The following HCN1 variants were observed in gnomAD, a reference collection of about 807,000 sequenced individuals.
HCN1 encodes hyperpolarization activated cyclic nucleotide gated potassium channel 1.
Under a neutral mutation model 78.9 loss-of-function variants are expected in HCN1, and 13 were observed. The ratio of observed to expected loss-of-function variants is 0.16; its 90% CI spans 0.11 to 0.26. HCN1 has a LOEUF of 0.26. Among genes scored for constraint, HCN1 ranks in the 10% least tolerant of loss-of-function variants. HCN1 has a pLI of 1.00. For missense variants in HCN1, 810 were observed against 1,154.3 expected (o/e 0.70, Z 4.32); for synonymous variants, 552 against 455.5 (o/e 1.21, Z -2.70).
intron 2 of HCN1, among the ~76,000 whole-genome samples, chr5:45,564,036 T>C (rs1217028018): frequency 1.3e-5 from 2 of 152,170 alleles, no homozygotes; most frequent in Non-Finnish European, 2.9e-5. Flanking sequence ...AGCCTAATTA[T>C]TACCATCTAC....
At chr5:45,374,271 A>T (rs1171910964) in intron 4 of HCN1, among the ~76,000 whole-genome samples, 1 of 99,610 alleles carries the variant, frequency 1.0e-5, no homozygotes, top group Non-Finnish European at 1.8e-5. Flanking sequence ...TAACATATAT[A>T]TTATATACAT....
At chr5:45,492,422 TAA>T (rs1158076937) in intron 2 of HCN1, among the ~76,000 whole-genome samples, 1 of 135,790 alleles carries the variant, frequency 7.4e-6, no homozygotes, top group African/African-American at 2.6e-5. Flanking sequence ...TATATATATA[TAA>T]AATTTGAAGT....
rs1740012614 is a variant in HCN1 at position 45,696,287 on chromosome 5, C to G, written c.-194G>C. 1 of 162,616 alleles carries G rather than the reference C, an allele frequency of 6.1e-6. No homozygotes were observed. Among genetic ancestry groups the G allele is most frequent in the Non-Finnish European group, 1.3e-5 (1 of 76,038 alleles). The allele number at this position is 162,616 out of a possible 1,614,324, so 10.1% of individuals were successfully genotyped here. Reference sequence around the variant, plus strand: ...TGCTAGCTGCGCGCCTGGCTCCCGCCGCCGCCGCTGCCCTTAGTGGCTGCG... The same window carrying G: ...TGCTAGCTGCGCGCCTGGCTCCCGCGGCCGCCGCTGCCCTTAGTGGCTGCG... On this transcript the variant is annotated 5_prime_UTR_variant, in exon 1 of 8. Transcript: ENST00000303230.
chr5:45,631,145 T>C (rs887573642), intron 2 of HCN1, among the ~76,000 whole-genome samples: 1 of 152,158 alleles, frequency 6.6e-6, no homozygotes, highest in Admixed American at 6.6e-5. Flanking sequence ...ACAGGCCTAC[T>C]TGGTGATCCG....
intron 5 of HCN1, among the ~76,000 whole-genome samples, chr5:45,312,525 C>T (rs779152342): frequency 7.9e-5 from 12 of 152,160 alleles, no homozygotes; most frequent in Non-Finnish European, 1.2e-4. Context: ...GGGTGCAGGA[C>T]AGTGGGTGCA....
chr5:45,453,449 T>C (rs1020940419), intron 3 of HCN1, among the ~76,000 whole-genome samples: 12 of 152,132 alleles, frequency 7.9e-5, no homozygotes, highest in African/African-American at 2.4e-4. Flanking sequence ...GGAAAGACCC[T>C]AAAACCCAAC....
intron 5 of HCN1, among the ~76,000 whole-genome samples, chr5:45,349,256 C>T (rs918722885): frequency 7.2e-5 from 11 of 152,160 alleles, no homozygotes; most frequent in Non-Finnish European, 7.3e-5. Flanking sequence ...AACTGAACAA[C>T]CTGCTCCTGA....
intron 1 of HCN1, among the ~76,000 whole-genome samples, chr5:45,683,531 T>G (rs1739746107): frequency 6.6e-6 from 1 of 152,158 alleles, no homozygotes; most frequent in South Asian, 2.1e-4. Flanking sequence ...CCAGAACAAG[T>G]CTCTCTTCAA....
At chr5:45,294,539 T>C (rs1419449348) in intron 6 of HCN1, among the ~76,000 whole-genome samples, 1 of 151,922 alleles carries the variant, frequency 6.6e-6, no homozygotes, top group African/African-American at 2.4e-5. Flanking sequence ...GATAAATGAT[T>C]GTTAAGAGGT....
intron 3 of HCN1, among the ~76,000 whole-genome samples, chr5:45,423,449 T>TG (rs1740268885): frequency 6.6e-6 from 1 of 152,178 alleles, no homozygotes; most frequent in Admixed American, 6.5e-5. Context: ...GCCTCCACTG[T>TG]AGTCAATCTC....
At chr5:45,329,697 C>T (rs921836708) in intron 5 of HCN1, among the ~76,000 whole-genome samples, 1 of 151,280 alleles carries the variant, frequency 6.6e-6, no homozygotes, top group Non-Finnish European at 1.5e-5. Flanking sequence ...TAAATTAACA[C>T]TATTTATGTC....
intron 4 of HCN1, among the ~76,000 whole-genome samples, chr5:45,373,244 A>T (rs1026381851): frequency 1.7e-5 from 2 of 120,202 alleles, no homozygotes; most frequent in African/African-American, 3.3e-5. Context: ...CATTATATAT[A>T]ATATATATTT....
chr5:45,656,784 T>C (rs1745770431), intron 1 of HCN1, among the ~76,000 whole-genome samples: 1 of 152,170 alleles, frequency 6.6e-6, no homozygotes, highest in African/African-American at 2.4e-5. Flanking sequence ...TTTCATAATA[T>C]CTTTTTCCTT....
Position 45,261,682 on chromosome 5 carries a change from G to T in HCN1, c.*239C>A. On this transcript the variant is annotated 3_prime_UTR_variant, in exon 8 of 8. Coordinates refer to ENST00000303230, the MANE Select transcript of HCN1 (RefSeq NM_021072.4). ...ATTTTAAATCCTTTAATGATTTAAA[G>T]AAAGGAAGACATATAACACTGAATG... 2.9e-6 allele frequency: 1 copy of T among 343,860 alleles called. No individual in the cohort carries two copies. Among genetic ancestry groups the T allele is most frequent in the Non-Finnish European group, 5.3e-6 (1 of 189,770 alleles). 21.3% of individuals were successfully genotyped at this position (343,860 alleles called of 1,614,324 possible). A position where few individuals can be genotyped will look rare whatever the true frequency, so the allele number is the denominator to read the frequency against.
At position 45,404,693 on chromosome 5, in the gene HCN1, C is replaced by CAAA. The variant is rs60728403; in HGVS notation, c.1012-7986_1012-7984dup. ...GGGAGTCAGGATGAAGGGCTATTTG[C>CAAA]AAAAAAAAAAAAAAAAAAAAAAAAA... On this transcript the variant is annotated intron_variant, in intron 3 of 7. Coordinates refer to ENST00000303230, the MANE Select transcript of HCN1 (RefSeq NM_021072.4). Among the ~76,000 whole-genome samples, 332 of 56,214 alleles carry CAAA rather than the reference C, an allele frequency of 5.9e-3. 14 individuals are homozygous for CAAA. The highest frequency in any genetic ancestry group is 0.053 in the Middle Eastern group (2 of 38). 36.9% of individuals were successfully genotyped at this position (56,214 alleles called of 152,430 possible).
chr5:45,548,924 G>T (rs1478610749), intron 2 of HCN1, among the ~76,000 whole-genome samples: 1 of 151,092 alleles, frequency 6.6e-6, no homozygotes, highest in African/African-American at 2.4e-5. Context: ...AAATACCTAG[G>T]AATCCAACTT....
chr5:45,374,057 A>ATATATAT (rs1747520420), intron 4 of HCN1, among the ~76,000 whole-genome samples: 3 of 94,098 alleles, frequency 3.2e-5, no homozygotes, highest in African/African-American at 1.3e-4. Context: ...TATATATATT[A>ATATATAT]TATATATAAT....
chr5:45,562,331 AATG>A (rs1272476302), intron 2 of HCN1, among the ~76,000 whole-genome samples: 1 of 152,142 alleles, frequency 6.6e-6, no homozygotes, highest in East Asian at 1.9e-4. Flanking sequence ...CCAACAGCAG[AATG>A]ATATCAGAGA....
At chr5:45,357,569 T>C (rs1301113994) in intron 4 of HCN1, among the ~76,000 whole-genome samples, 1 of 152,118 alleles carries the variant, frequency 6.6e-6, no homozygotes, top group Non-Finnish European at 1.5e-5. Flanking sequence ...TATACTAATA[T>C]GAGATTTTTG....
Sources: gnomAD v4.1 joint callset for allele counts (sites outside exome capture counted in the v4.1 genomes callset) on GRCh38, gnomAD v4.1.1 for gene constraint, MANE v1.5 for transcripts, NCBI Gene and HGNC (gene_info 2026-07-23, HGNC 2026-07-21) for gene names.